Variants in SEMA3A observed in about 807,000 individuals in gnomAD.
SEMA3A encodes semaphorin-3A.
A neutral mutation model predicts 97.9 loss-of-function variants in SEMA3A; 29 were observed. That is an observed-to-expected ratio of 0.30 (90% CI 0.22 to 0.40). The LOEUF (loss-of-function observed/expected upper bound fraction) is 0.40, where lower values mean the gene tolerates loss of function less well. SEMA3A is among the 10% of genes least tolerant of loss of function. The pLI is 1.00. For missense variants in SEMA3A, 763 were observed against 951.3 expected, an observed-to-expected ratio of 0.80 and a Z score of 2.60; for synonymous variants, 321 against 323.7, an observed-to-expected ratio of 0.99 and a Z score of 0.09.
At chr7:84,437,159 G>A (rs1189878625) in intron 1 of SEMA3A, among the ~76,000 whole-genome samples, 3 of 152,144 alleles carry the variant, frequency 2.0e-5, no homozygotes, top group East Asian at 1.9e-4. Context: ...TTCTTAAAGG[G>A]TTAAACAATG....
chr7:84,150,930 C>A (rs1463859921), intron 1 of SEMA3A, among the ~76,000 whole-genome samples: 1 of 149,366 alleles, frequency 6.7e-6, no homozygotes, highest in African/African-American at 2.5e-5. Flanking sequence ...GGGTCCCTGA[C>A]CCCTGACCCC....
intron 1 of SEMA3A, among the ~76,000 whole-genome samples, chr7:84,143,277 GA>G (rs1261799225): frequency 6.6e-6 from 1 of 151,392 alleles, no homozygotes; most frequent in East Asian, 1.9e-4. Context: ...TTCATGAAAA[GA>G]AAAAAAGATG....
At chr7:84,166,096 G>C (rs952051660) in intron 1 of SEMA3A, among the ~76,000 whole-genome samples, 2 of 151,776 alleles carry the variant, frequency 1.3e-5, no homozygotes, top group African/African-American at 2.4e-5. Flanking sequence ...AACATACAGA[G>C]ACACTCTCTC....
chr7:84,155,448 T>C (rs1395210695), intron 1 of SEMA3A, among the ~76,000 whole-genome samples: 1 of 152,146 alleles, frequency 6.6e-6, no homozygotes, highest in African/African-American at 2.4e-5. Flanking sequence ...TGCTTCCTTC[T>C]TCCCAAACAA....
chr7:84,204,452 A>G (rs1798438250), intron 3 of SEMA3A, among the ~76,000 whole-genome samples: 1 of 152,116 alleles, frequency 6.6e-6, no homozygotes, highest in South Asian at 2.1e-4. Context: ...TTTGCAGTCA[A>G]AGAGTTTGGG....
intron 3 of SEMA3A, among the ~76,000 whole-genome samples, chr7:84,248,445 T>C (rs908305469): frequency 3.3e-5 from 5 of 152,184 alleles, no homozygotes; most frequent in Non-Finnish European, 5.9e-5. Flanking sequence ...AAAAACCTTT[T>C]GCTTGGAGGC....
At chr7:84,333,711 G>A (rs1801961741) in intron 2 of SEMA3A, among the ~76,000 whole-genome samples, 1 of 152,122 alleles carries the variant, frequency 6.6e-6, no homozygotes, top group African/African-American at 2.4e-5. Flanking sequence ...ATGCCTATGA[G>A]CACTGACACA....
intron 6 of SEMA3A, among the ~76,000 whole-genome samples, chr7:84,019,938 T>C (rs1174590213): frequency 4.6e-5 from 7 of 151,854 alleles, no homozygotes; most frequent in Non-Finnish European, 1.0e-4. Flanking sequence ...TCTTAAATTT[T>C]TCTTTAGGTG....
intron 3 of SEMA3A, among the ~76,000 whole-genome samples, chr7:84,214,212 A>C (rs1269674843): frequency 6.6e-6 from 1 of 152,164 alleles, no homozygotes. Context: ...CCATATTACC[A>C]ATGACCAAAC....
intron 1 of SEMA3A, among the ~76,000 whole-genome samples, chr7:84,399,961 G>C (rs1257375040): frequency 6.6e-6 from 1 of 152,180 alleles, no homozygotes; most frequent in East Asian, 1.9e-4. Context: ...TAAAGAGAAG[G>C]AAGAGAGCAA....
chr7:84,480,215 GT>G (rs892294674), intron 1 of SEMA3A, among the ~76,000 whole-genome samples: 1 of 151,910 alleles, frequency 6.6e-6, no homozygotes, highest in Non-Finnish European at 1.5e-5. Context: ...TTGCTTGTTT[GT>G]TTTTTTGTTT....
At chr7:84,225,056 C>T (rs932492771) in intron 3 of SEMA3A, among the ~76,000 whole-genome samples, 6 of 151,982 alleles carry the variant, frequency 3.9e-5, no homozygotes, top group Non-Finnish European at 7.4e-5. Flanking sequence ...TTCTTGTAGG[C>T]CTAATAGGAA....
intron 5 of SEMA3A, among the ~76,000 whole-genome samples, chr7:84,048,464 T>C (rs1348528160): frequency 6.6e-6 from 1 of 152,006 alleles, no homozygotes; most frequent in African/African-American, 2.4e-5. Context: ...AAATAGATGA[T>C]GTATTTTTAA....
chr7:84,116,562 T>G (rs948525980), intron 3 of SEMA3A, among the ~76,000 whole-genome samples: 1 of 152,206 alleles, frequency 6.6e-6, no homozygotes, highest in Non-Finnish European at 1.5e-5. Context: ...CATCTGGGAA[T>G]ATGACTCTAT....
chr7:84,039,180 C>T (rs1188108197), intron 6 of SEMA3A, among the ~76,000 whole-genome samples: 2 of 152,054 alleles, frequency 1.3e-5, no homozygotes, highest in African/African-American at 2.4e-5. Flanking sequence ...GTTCTAATTA[C>T]CCTATATACA....
At chr7:84,159,318 A>T (rs930747466) in intron 1 of SEMA3A, among the ~76,000 whole-genome samples, 1 of 152,212 alleles carries the variant, frequency 6.6e-6, no homozygotes, top group Non-Finnish European at 1.5e-5. Context: ...TTGTTTCTAC[A>T]TCTACAGAGG....
chr7:84,411,219 C>T (rs1316987721), intron 1 of SEMA3A, among the ~76,000 whole-genome samples: 2 of 151,938 alleles, frequency 1.3e-5, no homozygotes, highest in Non-Finnish European at 2.9e-5. Flanking sequence ...AAATTGGTAG[C>T]GGTCCACTTG....
intron 3 of SEMA3A, among the ~76,000 whole-genome samples, chr7:84,231,626 C>T (rs1799118316): frequency 1.3e-5 from 2 of 151,916 alleles, no homozygotes; most frequent in Admixed American, 1.3e-4. Flanking sequence ...CATGGGAAAG[C>T]TGCTGATGTG....
At chr7:84,242,883 T>A (rs979965073) in intron 3 of SEMA3A, among the ~76,000 whole-genome samples, 30 of 152,352 alleles carry the variant, frequency 2.0e-4, no homozygotes, top group African/African-American at 5.8e-4. Context: ...TCTGCATCTA[T>A]TGAGATAATT....
Sources: gnomAD v4.1 joint callset for allele counts (sites outside exome capture counted in the v4.1 genomes callset) on GRCh38, gnomAD v4.1.1 for gene constraint, MANE v1.5 for transcripts, NCBI Gene and HGNC (gene_info 2026-07-23, HGNC 2026-07-21) for gene names.